Variants in KIAA1217 observed in about 807,000 individuals in gnomAD.
The protein encoded by KIAA1217 is KIAA1217, also known as sickle tail protein homolog.
A neutral mutation model predicts 163.9 loss-of-function variants in KIAA1217; 88 were observed. That is an observed-to-expected ratio of 0.54 (90% CI 0.45 to 0.64). KIAA1217 has a LOEUF of 0.64. KIAA1217 is among the 30% of genes least tolerant of loss of function. KIAA1217 has a pLI of 0.00. For missense variants in KIAA1217, 2,372 were observed against 2,475.0 expected (o/e 0.96, Z 0.88); for synonymous variants, 903 against 923.1 (o/e 0.98, Z 0.39).
At chr10:24,225,112 AC>A (rs2070334579) in intron 2 of KIAA1217, among the ~76,000 whole-genome samples, 1 of 152,122 alleles carries the variant, frequency 6.6e-6, no homozygotes, top group East Asian at 1.9e-4. Context: ...GGCGTGAGCC[AC>A]CATGCCTGGC....
At chr10:23,954,218 C>T (rs111575677) in intron 1 of KIAA1217, among the ~76,000 whole-genome samples, 1 of 152,036 alleles carries the variant, frequency 6.6e-6, no homozygotes, top group Non-Finnish European at 1.5e-5. Context: ...AGCAGATGCA[C>T]CCAGCAGGCA....
chr10:23,697,230 T>G (rs576072425), intron 1 of KIAA1217, among the ~76,000 whole-genome samples: 1 of 152,204 alleles, frequency 6.6e-6, no homozygotes, highest in African/African-American at 2.4e-5. Flanking sequence ...GGAATGTGTC[T>G]AGGTAGTGAG....
At chr10:24,116,022 A>T (rs959604156) in intron 2 of KIAA1217, among the ~76,000 whole-genome samples, 2 of 152,028 alleles carry the variant, frequency 1.3e-5, no homozygotes, top group South Asian at 4.2e-4. Flanking sequence ...GTGCTTCCCA[A>T]TCCTCACTCT....
intron 2 of KIAA1217, among the ~76,000 whole-genome samples, chr10:24,176,765 C>T (rs574152798): frequency 2.1e-3 from 320 of 152,348 alleles, no homozygotes; most frequent in African/African-American, 7.3e-3. Context: ...GGACTAGGCA[C>T]CGCGGAGCGG....
At chr10:24,069,474 C>A (rs561871682) in intron 2 of KIAA1217, among the ~76,000 whole-genome samples, 1 of 152,168 alleles carries the variant, frequency 6.6e-6, no homozygotes, top group Admixed American at 6.5e-5. Flanking sequence ...GGAATAGAAG[C>A]TTTTCCTTTG....
chr10:23,748,859 T>C (rs1839573467), intron 1 of KIAA1217, among the ~76,000 whole-genome samples: 1 of 152,054 alleles, frequency 6.6e-6, no homozygotes, highest in South Asian at 2.1e-4. Flanking sequence ...GGCTCCTGTA[T>C]CTCCTTTACC....
chr10:23,839,919 T>A (rs1467796438), intron 1 of KIAA1217, among the ~76,000 whole-genome samples: 1 of 152,122 alleles, frequency 6.6e-6, no homozygotes, highest in African/African-American at 2.4e-5. Context: ...AAGAAGGGCA[T>A]ACTTTTAATT....
At chr10:24,534,622 G>A (rs1464863083) in intron 16 of KIAA1217, among the ~76,000 whole-genome samples, 4 of 152,056 alleles carry the variant, frequency 2.6e-5, no homozygotes, top group Non-Finnish European at 4.4e-5. Context: ...GCTCATGTCT[G>A]TAATCCCAGC....
intron 2 of KIAA1217, among the ~76,000 whole-genome samples, chr10:24,127,208 C>T (rs1352469631): frequency 6.6e-6 from 1 of 152,136 alleles, no homozygotes; most frequent in Non-Finnish European, 1.5e-5. Flanking sequence ...AAGTATTAAA[C>T]TAATGTAACC....
chr10:24,407,426 T>TGG (rs1415361049), intron 3 of KIAA1217, among the ~76,000 whole-genome samples: 2 of 152,198 alleles, frequency 1.3e-5, no homozygotes, highest in Admixed American at 1.3e-4. Flanking sequence ...CCCAAGTAGC[T>TGG]GGGACCAGAG....
At chr10:23,866,812 C>T (rs1221884642) in intron 1 of KIAA1217, among the ~76,000 whole-genome samples, 2 of 151,926 alleles carry the variant, frequency 1.3e-5, no homozygotes, top group East Asian at 1.9e-4. Flanking sequence ...CTCTTTGGTG[C>T]GATCTCAGGA....
At chr10:23,815,022 G>A (rs1056820674) in intron 1 of KIAA1217, among the ~76,000 whole-genome samples, 5 of 152,150 alleles carry the variant, frequency 3.3e-5, no homozygotes, top group African/African-American at 1.2e-4. Flanking sequence ...GTGAAAATAT[G>A]AAGATTCTTT....
Position 24,543,347 on chromosome 10 carries a change from C to T in KIAA1217, c.4077C>T (p.Asn1359=), listed in dbSNP as rs373037734. ...VLRPKEARHA[N]VNPNEDGESS... The stretch of plus-strand genomic sequence containing the variant: ...GACCCAAGGAGGCAAGGCATGCTAA[C>T]GTGAACCCTAATGAGGATGGAGAAT... Residue 1359 remains asparagine (N), a synonymous_variant, in exon 19 of 21, where the codon AAC becomes AAT. Coordinates refer to ENST00000376454, the MANE Select transcript of KIAA1217 (RefSeq NM_019590.5). 4.5e-5 allele frequency: 72 copies of T among 1,614,152 alleles called. No homozygotes were observed. The highest frequency in any genetic ancestry group is 3.3e-4 in the Middle Eastern group (2 of 6,062).
intron 5 of KIAA1217, among the ~76,000 whole-genome samples, chr10:24,451,259 A>G (rs2061352681): frequency 6.6e-6 from 1 of 152,344 alleles, no homozygotes; most frequent in African/African-American, 2.4e-5. Flanking sequence ...GGAGCAAGAA[A>G]GTATCTTTGA....
At chr10:24,169,690 C>T (rs961093654) in intron 2 of KIAA1217, among the ~76,000 whole-genome samples, 1 of 152,016 alleles carries the variant, frequency 6.6e-6, no homozygotes, top group African/African-American at 2.4e-5. Flanking sequence ...AGGGTCTGCA[C>T]AGCCCTCAGG....
chr10:24,527,854 C>A, intron 13 of KIAA1217, 82 bp from the exon 14 acceptor site: 1 of 1,077,280 alleles, frequency 9.3e-7, no homozygotes, highest in Admixed American at 1.9e-5. Context: ...TCCTCCCACC[C>A]TCCACCCTCT....
At chr10:23,701,269 A>C (rs1836430594) in intron 1 of KIAA1217, among the ~76,000 whole-genome samples, 1 of 152,198 alleles carries the variant, frequency 6.6e-6, no homozygotes, top group Non-Finnish European at 1.5e-5. Context: ...ATGGCTGTTT[A>C]CATCTGCTGC....
intron 3 of KIAA1217, among the ~76,000 whole-genome samples, chr10:24,408,015 A>G (rs1236092571): frequency 1.3e-5 from 2 of 152,148 alleles, no homozygotes; most frequent in East Asian, 3.9e-4. Context: ...TAATTTTGAG[A>G]GGTCATATAG....
intron 4 of KIAA1217, among the ~76,000 whole-genome samples, chr10:24,437,073 C>T (rs2060102556): frequency 6.6e-6 from 1 of 152,140 alleles, no homozygotes; most frequent in Non-Finnish European, 1.5e-5. Flanking sequence ...CATGATAAAC[C>T]AACCTCATGC....
Sources: gnomAD v4.1 joint callset for allele counts (sites outside exome capture counted in the v4.1 genomes callset) on GRCh38, gnomAD v4.1.1 for gene constraint, MANE v1.5 for transcripts, NCBI Gene and HGNC (gene_info 2026-07-23, HGNC 2026-07-21) for gene names.